RYK: variants seen among roughly 807,000 people sequenced by gnomAD.
The protein encoded by RYK is inactive tyrosine-protein kinase RYK.
A neutral mutation model predicts 70.2 loss-of-function variants in RYK; 21 were observed. The ratio of observed to expected loss-of-function variants is 0.30; its 90% CI spans 0.21 to 0.43. The LOEUF is 0.43. RYK is among the 20% of genes least tolerant of loss of function. The probability of loss-of-function intolerance (pLI) is 1.00; values close to 1 mark genes in which losing one functional copy is unlikely to be tolerated. For synonymous variants in RYK, 267 were observed against 278.0 expected, an observed-to-expected ratio of 0.96 and a Z score of 0.39; for missense variants, 604 against 753.3, an observed-to-expected ratio of 0.80 and a Z score of 2.32.
chr3:134,214,857 C>A (rs2014504593), intron 2 of RYK, among the ~76,000 whole-genome samples: 1 of 152,188 alleles, frequency 6.6e-6, no homozygotes, highest in African/African-American at 2.4e-5. Flanking sequence ...ATTAGAGCAT[C>A]TATTCTTTTC....
chr3:134,231,193 C>CAAAA, intron 1 of RYK, among the ~76,000 whole-genome samples: 1 of 107,414 alleles, frequency 9.3e-6, no homozygotes, highest in Admixed American at 9.0e-5. Flanking sequence ...CAGACAAGAC[C>CAAAA]AAAAAAAAAA....
chr3:134,192,605 G>A (rs1243148643), intron 7 of RYK, among the ~76,000 whole-genome samples: 1 of 151,874 alleles, frequency 6.6e-6, no homozygotes, highest in African/African-American at 2.4e-5. Context: ...TTCAATGACA[G>A]TAAAAACAGA....
rs779740932 is a variant in RYK, at chr3:134,222,478, A to G, written c.294T>C (p.Phe98=). 3.7e-6 allele frequency: 6 copies of G among 1,613,416 alleles called. No individual in the cohort carries two copies. In the South Asian group the frequency reaches 5.5e-5, roughly 15 times the overall value. Reference sequence around the variant, plus strand: ...TTGTCTCACTGGGTACTAACAGACTAAAGGATAGAGCGTAGTGACTAATAA... The same window carrying G: ...TTGTCTCACTGGGTACTAACAGACTGAAGGATAGAGCGTAGTGACTAATAA... The part of the protein sequence containing the change: ...NDLISHYALS[F]SLLVPSETNF... The change falls in exon 2 of 15, where the codon TTT becomes TTC. Residue 98 remains phenylalanine (F), a synonymous_variant. Coordinates refer to ENST00000623711, the MANE Select transcript of RYK (RefSeq NM_002958.4).
intron 10 of RYK, 116 bp from the exon 11 acceptor site, chr3:134,178,189 T>G (rs1560004587): frequency 1.3e-6 from 1 of 748,076 alleles, no homozygotes; most frequent in Admixed American, 3.3e-5. Context: ...AAAAACATGA[T>G]TACCATTAAA....
At chr3:134,180,868 G>GTC (rs2013270752) in intron 10 of RYK, 1 of 152,134 alleles carries the variant, frequency 6.6e-6, no homozygotes, top group African/African-American at 2.4e-5. Context: ...TTTCCTCAAG[G>GTC]ACTGAATGCT....
intron 7 of RYK, among the ~76,000 whole-genome samples, chr3:134,193,183 T>C (rs2013700408): frequency 6.6e-6 from 1 of 152,060 alleles, no homozygotes; most frequent in African/African-American, 2.4e-5. Context: ...TTTATTTCCC[T>C]TGACTTTTTT....
intron 10 of RYK, chr3:134,180,059 A>C (rs2013243747): frequency 6.6e-6 from 1 of 152,142 alleles, no homozygotes; most frequent in South Asian, 2.1e-4. Flanking sequence ...ATAGTGAAGA[A>C]AGAAGGTACA....
At chr3:134,221,391 G>A (rs987153265) in intron 2 of RYK, among the ~76,000 whole-genome samples, 7 of 151,684 alleles carry the variant, frequency 4.6e-5, no homozygotes, top group Admixed American at 4.6e-4. Flanking sequence ...TTTTAGTAGA[G>A]ATGGGGTTTC....
chr3:134,240,769 C>T (rs2107695738), intron 1 of RYK, among the ~76,000 whole-genome samples: 1 of 152,256 alleles, frequency 6.6e-6, no homozygotes, highest in Non-Finnish European at 1.5e-5. Flanking sequence ...TATGTGTGGA[C>T]ATTCATGCCT....
chr3:134,225,626 A>G (rs1210441597), intron 1 of RYK, among the ~76,000 whole-genome samples: 1 of 152,146 alleles, frequency 6.6e-6, no homozygotes, highest in East Asian at 1.9e-4. Flanking sequence ...GGCTGAAACG[A>G]GAGGATCCAT....
chr3:134,212,479 G>A (rs1194868806), intron 2 of RYK, among the ~76,000 whole-genome samples: 1 of 152,162 alleles, frequency 6.6e-6, no homozygotes, highest in Non-Finnish European at 1.5e-5. Context: ...TCATTCAGTG[G>A]TCACAAAAGG....
At chr3:134,175,173 T>C (rs931808715) in intron 13 of RYK, among the ~76,000 whole-genome samples, 27 of 152,030 alleles carry the variant, frequency 1.8e-4, no homozygotes, top group African/African-American at 6.0e-4. Context: ...CCGTCTCTAC[T>C]AAAAATACAA....
intron 2 of RYK, among the ~76,000 whole-genome samples, chr3:134,216,688 G>A (rs1332682201): frequency 6.7e-6 from 1 of 149,974 alleles, no homozygotes; most frequent in East Asian, 2.0e-4. Flanking sequence ...AGCTATTCAG[G>A]AGGCTGAGGC....
chr3:134,223,632 AG>A lies in RYK; in HGVS notation c.233-1094del, dbSNP rs2014803126. On this transcript the variant is annotated intron_variant, in intron 1 of 14. Transcript: ENST00000623711. ...AAAAAAAAAAAAAAAAATCACACAG[AG>A]GATTTCTCCATGATCATCCAAGGAA... 3.9e-5 allele frequency among the ~76,000 whole-genome samples: 6 copies of A among 151,962 alleles called. No homozygotes were observed. In the South Asian group the frequency reaches 1.2e-3, roughly 32 times the overall value.
chr3:134,194,552 TG>T (rs1382201735), intron 7 of RYK, among the ~76,000 whole-genome samples: 1 of 152,162 alleles, frequency 6.6e-6, no homozygotes, highest in South Asian at 2.1e-4. Flanking sequence ...AATAGGGCAC[TG>T]GGTAGAGGAC....
chr3:134,192,052 C>A (rs1026934980), intron 7 of RYK, 78 bp from the exon 8 acceptor site: 20 of 1,409,462 alleles, frequency 1.4e-5, no homozygotes, highest in Non-Finnish European at 1.7e-5. Context: ...TCAGTTAGAA[C>A]CTCAGGACTC....
intron 13 of RYK, among the ~76,000 whole-genome samples, chr3:134,172,303 A>G (rs2012939827): frequency 6.6e-6 from 1 of 152,200 alleles, no homozygotes; most frequent in Admixed American, 6.5e-5. Context: ...AGCTTTTACT[A>G]AAGGAGTAAA....
At chr3:134,175,569 T>C (rs373148711) in intron 13 of RYK, 40 bp downstream of exon 13, 5 of 1,576,136 alleles carry the variant, frequency 3.2e-6, no homozygotes, top group Non-Finnish European at 4.3e-6. Context: ...CAGAAAGCTG[T>C]TTCTCTATTC....
chr3:134,176,921 G>A (rs905654141), intron 11 of RYK, among the ~76,000 whole-genome samples: 3 of 151,244 alleles, frequency 2.0e-5, no homozygotes, highest in East Asian at 1.9e-4. Flanking sequence ...GGTGGCAGGC[G>A]CCTGTAGTCC....
Sources: allele counts gnomAD v4.1 joint callset (sites outside exome capture counted in the v4.1 genomes callset), GRCh38; gene constraint gnomAD v4.1.1; transcripts MANE v1.5; gene names NCBI Gene and HGNC (gene_info 2026-07-23, HGNC 2026-07-21).